YIPF7: variants seen among roughly 807,000 people sequenced by gnomAD.
YIPF7 encodes the protein Yip1 domain family member 7, also known as protein YIPF7.
A neutral mutation model predicts 27.2 loss-of-function variants in YIPF7; 35 were observed. The observed-to-expected ratio is 1.29, with a 90% CI of 0.98 to 1.70. The LOEUF is 1.70. Ranked by LOEUF, YIPF7 falls within the 40% of genes most tolerant of loss-of-function variation. The pLI is 0.00. For synonymous variants in YIPF7, 137 were observed against 110.4 expected, an observed-to-expected ratio of 1.24 and a Z score of -1.51; for missense variants, 358 against 303.7, an observed-to-expected ratio of 1.18 and a Z score of -1.33.
intron 2 of YIPF7, among the ~76,000 whole-genome samples, chr4:44,637,018 T>C (rs747300120): frequency 3.3e-5 from 5 of 152,214 alleles, no homozygotes; most frequent in Non-Finnish European, 7.3e-5. Flanking sequence ...TTTCTGTGCC[T>C]GGTTTGTTTC....
intron 2 of YIPF7, among the ~76,000 whole-genome samples, chr4:44,642,302 T>A (rs1713351652): frequency 1.3e-5 from 2 of 152,172 alleles, no homozygotes; most frequent in Admixed American, 1.3e-4. Context: ...AATACTAAAA[T>A]TCCTCTACCA....
chr4:44,631,848 C>T (rs1277493740), intron 3 of YIPF7, among the ~76,000 whole-genome samples: 4 of 152,010 alleles, frequency 2.6e-5, no homozygotes, highest in African/African-American at 7.2e-5. Flanking sequence ...GAAATTTATG[C>T]GCTCAAACTT....
chr4:44,657,823 T>C (rs1301875881), intron 2 of YIPF7, among the ~76,000 whole-genome samples: 1 of 152,054 alleles, frequency 6.6e-6, no homozygotes, highest in East Asian at 1.9e-4. Context: ...GTCTGATATA[T>C]ATTTGGGGAA....
intron 2 of YIPF7, among the ~76,000 whole-genome samples, chr4:44,659,694 T>C (rs7662110): frequency 0.54 from 82,487 of 151,618 alleles, 23,368 homozygotes; most frequent in Non-Finnish European, 0.64. Context: ...TAGTATATAT[T>C]GTTTTACAAA....
At chr4:44,625,975 G>T (rs1244615936) in intron 4 of YIPF7, among the ~76,000 whole-genome samples, 1 of 152,188 alleles carries the variant, frequency 6.6e-6, no homozygotes, top group African/African-American at 2.4e-5. Flanking sequence ...GAGCTTTTTA[G>T]CTGCCACTTT....
intron 2 of YIPF7, among the ~76,000 whole-genome samples, chr4:44,645,130 T>C (rs971255492): frequency 2.6e-5 from 4 of 152,212 alleles, no homozygotes; most frequent in African/African-American, 9.6e-5. Flanking sequence ...TCTCGAGAAT[T>C]TCTTCATAGC....
intron 2 of YIPF7, among the ~76,000 whole-genome samples, chr4:44,637,093 T>C (rs1713153015): frequency 6.6e-6 from 1 of 152,252 alleles, no homozygotes; most frequent in Non-Finnish European, 1.5e-5. Flanking sequence ...ATTCTTTTCA[T>C]GGCTGAATGG....
chr4:44,626,864 C>T (rs11730786), intron 4 of YIPF7, among the ~76,000 whole-genome samples: 58,524 of 146,654 alleles, frequency 0.4, 11,934 homozygotes, highest in East Asian at 0.55. Flanking sequence ...CAAGCTCCAC[C>T]TCCTGGGTTC....
Position 44,635,969 on chromosome 4 carries a change from T to A in YIPF7, c.233A>T (p.Gln78Leu). Residue 78 changes from glutamine to leucine, a missense_variant, in exon 3 of 6, where the codon CAA becomes CTA. Physicochemically the swap from Gln to Leu is moderately radical, Grantham distance 113. Transcript: ENST00000415895. ...ATCAAAACTGTCAATGTAAGGAGAT[T>A]GTGAATAATAATCTGAGTTGGATGC... is the stretch of plus-strand genomic sequence containing the variant. Reference protein sequence around the residue: ...QPASNSDYYSQSPYIDSFDEE... With the variant: ...QPASNSDYYSLSPYIDSFDEE... 6.2e-7 allele frequency: 1 copy of A among 1,613,886 alleles called. No homozygotes were observed. Among genetic ancestry groups the A allele is most frequent in the Non-Finnish European group, 8.5e-7 (1 of 1,179,822 alleles).
In YIPF7 at chr4:44,650,019, A is replaced by G; in HGVS notation, c.82T>C (p.Ser28Pro). ...IDNQEQSGND[S>P]NAYGNLYGSR... ...CCATAAAGATTTCCATAGGCATTAG[A>G]GTCATTACCACTCTGCTCCTGGTTA... is the stretch of plus-strand genomic sequence containing the variant. The change falls in exon 2 of 6, where the codon TCT (serine) becomes CCT (proline). Residue 28 changes from serine (S) to proline (P), a missense_variant. Coordinates refer to ENST00000415895, the MANE Select transcript of YIPF7 (RefSeq NM_182592.3). The G allele has an allele frequency of 6.3e-7, 1 of 1,585,606 alleles. No individual in the cohort carries two copies. Among genetic ancestry groups the G allele is most frequent in the Admixed American group, 1.8e-5 (1 of 56,598 alleles).
intron 1 of YIPF7, 98 bp from the exon 2 acceptor site, chr4:44,650,199 TTCCTATC>T: frequency 1.3e-6 from 1 of 754,184 alleles, no homozygotes. Flanking sequence ...TATGGCTGAA[TTCCTATC>T]AGAAAAAAAG....
chr4:44,659,868 C>T (rs1161530030), intron 2 of YIPF7, among the ~76,000 whole-genome samples: 1 of 152,084 alleles, frequency 6.6e-6, no homozygotes, highest in African/African-American at 2.4e-5. Context: ...AATCCCAGCA[C>T]TTTGGGAGGC....
intron 2 of YIPF7, among the ~76,000 whole-genome samples, chr4:44,642,667 T>G (rs2109592717): frequency 6.6e-6 from 1 of 152,152 alleles, no homozygotes; most frequent in South Asian, 2.1e-4. Context: ...TCATGAATGG[T>G]TTACCACCAT....
rs1714044164 is a variant in YIPF7 at position 44,661,721 on chromosome 4, AT to A, written c.-171-1104del. On this transcript the variant is annotated intron_variant, in intron 1 of 2. Coordinates refer to the YIPF7 transcript ENST00000508947. ...CAGCATTCATTGGGAGGTGAGAATTATTGGGCTTAAACCTTCAAATTCCTAA... is the reference window on the plus strand; with the variant it reads ...CAGCATTCATTGGGAGGTGAGAATTATGGGCTTAAACCTTCAAATTCCTAA... Among the ~76,000 whole-genome samples, 9 of 152,348 alleles carry A rather than the reference AT, an allele frequency of 5.9e-5. No homozygotes were observed. In the South Asian group the frequency reaches 1.9e-3, roughly 32 times the overall value.
chr4:44,650,874 G>A (rs1713713534), intron 1 of YIPF7, among the ~76,000 whole-genome samples: 1 of 152,164 alleles, frequency 6.6e-6, no homozygotes, highest in Non-Finnish European at 1.5e-5. Flanking sequence ...GAAGAGGTAT[G>A]GGAGAAGAGG....
rs377377967 is a variant in YIPF7 at position 44,624,662 on chromosome 4, G to A, written c.547C>T (p.Leu183=). The A allele has an allele frequency of 5.6e-6, 9 of 1,604,874 alleles. No homozygotes were observed. Among genetic ancestry groups the A allele is most frequent in the Non-Finnish European group, 7.7e-6 (9 of 1,176,102 alleles). ...ACCATGGGGAGCAGGCAGTAACCCA[G>A]CACGCTGGCCACACAGCCGTACGAC... ...GVSYGCVASV[L]GYCLLPMVIL... The change falls in exon 5 of 6, where the codon CTG becomes TTG. Residue 183 remains leucine (L), a synonymous_variant. Coordinates refer to ENST00000415895, the MANE Select transcript of YIPF7 (RefSeq NM_182592.3).
rs1454547938 is a variant in YIPF7, at chr4:44,628,322, T to C, written c.426+1081A>G. ...CCTACAGAAACTAGATTGCTATCAG[T>C]ATTTTGATTGATTATATACAATAAT... On this transcript the variant is annotated intron_variant, in intron 4 of 5. Transcript: ENST00000415895. 3.3e-5 allele frequency among the ~76,000 whole-genome samples: 5 copies of C among 152,288 alleles called. No individual in the cohort carries two copies. The East Asian group carries it at 9.6e-4, about 29-fold the overall frequency.
intron 2 of YIPF7, among the ~76,000 whole-genome samples, chr4:44,649,072 T>A (rs1182829530): frequency 1.3e-5 from 2 of 152,158 alleles, no homozygotes; most frequent in African/African-American, 4.8e-5. Context: ...TAAAATTGCA[T>A]GAGAGAAAAA....
chr4:44,643,466 G>A (rs1261652384), intron 2 of YIPF7, among the ~76,000 whole-genome samples: 1 of 152,162 alleles, frequency 6.6e-6, no homozygotes, highest in Non-Finnish European at 1.5e-5. Context: ...TTTGCAGAAT[G>A]GCCAAATGAT....
Sources: gnomAD v4.1 joint callset for allele counts (sites outside exome capture counted in the v4.1 genomes callset) on GRCh38, gnomAD v4.1.1 for gene constraint, MANE v1.5 for transcripts, NCBI Gene and HGNC (gene_info 2026-07-23, HGNC 2026-07-21) for gene names.